Variants in NR3C1 observed in about 807,000 individuals in gnomAD.
The protein encoded by NR3C1 is nuclear receptor subfamily 3 group C member 1, also known as glucocorticoid receptor.
Under a neutral mutation model 74.0 loss-of-function variants are expected in NR3C1, and 14 were observed. The observed-to-expected ratio is 0.19, with a 90% CI of 0.12 to 0.30. NR3C1 has a LOEUF of 0.30. Among genes scored for constraint, NR3C1 ranks in the 10% least tolerant of loss-of-function variants. NR3C1 has a pLI of 1.00. For synonymous variants in NR3C1, 308 were observed against 332.5 expected (o/e 0.93, Z 0.80); for missense variants, 695 against 909.8 (o/e 0.76, Z 3.04).
At chr5:143,336,851 T>C (rs1183238542) in intron 2 of NR3C1, among the ~76,000 whole-genome samples, 1 of 151,558 alleles carries the variant, frequency 6.6e-6, no homozygotes, top group African/African-American at 2.4e-5. Flanking sequence ...TATGGTGGCA[T>C]ACCTGTAATC....
intron 2 of NR3C1, among the ~76,000 whole-genome samples, chr5:143,344,671 C>T (rs1828887222): frequency 6.6e-6 from 1 of 152,126 alleles, no homozygotes; most frequent in Non-Finnish European, 1.5e-5. Flanking sequence ...TCAGGAGTTC[C>T]AGACCAGCTT....
intron 2 of NR3C1, among the ~76,000 whole-genome samples, chr5:143,362,433 T>G (rs1276046260): frequency 6.6e-6 from 1 of 151,196 alleles, no homozygotes; most frequent in Admixed American, 6.6e-5. Context: ...TGATCTCGGC[T>G]CACGGCAAGC....
chr5:143,314,421 CTTT>C (rs200172704), intron 2 of NR3C1, among the ~76,000 whole-genome samples: 2 of 118,782 alleles, frequency 1.7e-5, no homozygotes, highest in Non-Finnish European at 1.9e-5. Context: ...ACTTCTTCTT[CTTT>C]TTTTTTTTTT....
intron 2 of NR3C1, among the ~76,000 whole-genome samples, chr5:143,345,254 G>C (rs1397929568): frequency 6.6e-6 from 1 of 152,202 alleles, no homozygotes; most frequent in Non-Finnish European, 1.5e-5. Flanking sequence ...TCTGTCACCA[G>C]GCCGGAGTGC....
intron 1 of NR3C1, among the ~76,000 whole-genome samples, chr5:143,410,480 A>G (rs1841255139): frequency 6.6e-6 from 1 of 152,210 alleles, no homozygotes; most frequent in African/African-American, 2.4e-5. Context: ...AATTGTTTTG[A>G]GATCAGTATT....
intron 7 of NR3C1, among the ~76,000 whole-genome samples, chr5:143,285,725 C>T (rs1814268174): frequency 6.6e-6 from 1 of 151,982 alleles, no homozygotes; most frequent in Admixed American, 6.6e-5. Context: ...ACTGAAAACA[C>T]AGCATATCAA....
chr5:143,421,319 C>T (rs1211596221), intron 1 of NR3C1, among the ~76,000 whole-genome samples: 2 of 152,148 alleles, frequency 1.3e-5, no homozygotes, highest in Non-Finnish European at 2.9e-5. Context: ...CCCTTATTTT[C>T]TTTCTTCTAG....
chr5:143,388,429 G>A (rs896077601), intron 2 of NR3C1, among the ~76,000 whole-genome samples: 2 of 152,204 alleles, frequency 1.3e-5, no homozygotes, highest in South Asian at 4.2e-4. Flanking sequence ...TGTTTATTTA[G>A]GTATTCAACA....
chr5:143,428,709 T>G (rs774754467), intron 1 of NR3C1, among the ~76,000 whole-genome samples: 1 of 152,216 alleles, frequency 6.6e-6, no homozygotes, highest in Non-Finnish European at 1.5e-5. Flanking sequence ...AACATTTAAC[T>G]GTACAGGACT....
intron 1 of NR3C1, among the ~76,000 whole-genome samples, chr5:143,433,476 T>TTATATATATATATATTTTA: frequency 6.8e-6 from 1 of 146,198 alleles, no homozygotes; most frequent in Non-Finnish European, 1.5e-5. Flanking sequence ...ATATATTTAA[T>TTATATATATATATATTTTA]TTCATCTTGT....
chr5:143,369,421 T>C (rs1314932895), intron 2 of NR3C1, among the ~76,000 whole-genome samples: 3 of 152,210 alleles, frequency 2.0e-5, no homozygotes, highest in African/African-American at 7.2e-5. Flanking sequence ...TTATTTATAA[T>C]AGCCAAAGAA....
chr5:143,401,092 A>G lies in NR3C1; in HGVS notation c.-13-240T>C, dbSNP rs573101222. ...CAATCCATTTGCACAGCTGAGGGCA[A>G]AAGTGTATCGAACTAAGCTTGGCTA... On this transcript the variant is annotated intron_variant, in intron 1 of 8. Transcript: ENST00000394464. Among the ~76,000 whole-genome samples, 4 of 152,358 alleles carry G rather than the reference A, an allele frequency of 2.6e-5. No individual in the cohort carries two copies. The East Asian group carries it at 7.7e-4, about 29-fold the overall frequency.
intron 2 of NR3C1, among the ~76,000 whole-genome samples, chr5:143,371,741 T>C (rs947547143): frequency 3.3e-5 from 5 of 152,224 alleles, no homozygotes; most frequent in African/African-American, 4.8e-5. Flanking sequence ...TATTGTTAAA[T>C]GGGATCACAA....
intron 4 of NR3C1, among the ~76,000 whole-genome samples, chr5:143,305,599 T>C (rs370172262): frequency 3.9e-5 from 6 of 152,260 alleles, no homozygotes; most frequent in Admixed American, 3.9e-4. Context: ...TGCAGCAACA[T>C]GGATGTAGCA....
At chr5:143,372,027 C>T (rs1834321432) in intron 2 of NR3C1, among the ~76,000 whole-genome samples, 1 of 152,164 alleles carries the variant, frequency 6.6e-6, no homozygotes, top group Non-Finnish European at 1.5e-5. Context: ...TATATACTTA[C>T]CTTAAATGCC....
chr5:143,410,656 C>G (rs896761969), intron 1 of NR3C1, among the ~76,000 whole-genome samples: 24 of 152,262 alleles, frequency 1.6e-4, no homozygotes, highest in African/African-American at 5.5e-4. Context: ...TCTACCCCAC[C>G]TATCACACAG....
intron 2 of NR3C1, among the ~76,000 whole-genome samples, chr5:143,324,897 T>G (rs1824222860): frequency 1.3e-5 from 2 of 152,308 alleles, no homozygotes; most frequent in East Asian, 1.9e-4. Context: ...AAACATAACA[T>G]AGTAACCTTT....
intron 2 of NR3C1, among the ~76,000 whole-genome samples, chr5:143,322,316 T>C (rs993872202): frequency 1.3e-5 from 2 of 152,214 alleles, no homozygotes; most frequent in Non-Finnish European, 2.9e-5. Context: ...ATCTTCTTCA[T>C]TTTCCACTAT....
intron 2 of NR3C1, among the ~76,000 whole-genome samples, chr5:143,316,125 A>T (rs917613734): frequency 2.0e-5 from 3 of 152,252 alleles, no homozygotes; most frequent in Admixed American, 2.0e-4. Context: ...GGTCCGGCAC[A>T]GGCCACCCCT....
Sources: allele counts gnomAD v4.1 joint callset (sites outside exome capture counted in the v4.1 genomes callset), GRCh38; gene constraint gnomAD v4.1.1; transcripts MANE v1.5; gene names NCBI Gene and HGNC (gene_info 2026-07-23, HGNC 2026-07-21).